PLCB1: variants seen among roughly 807,000 people sequenced by gnomAD.
PLCB1 encodes 1-phosphatidylinositol 4,5-bisphosphate phosphodiesterase beta-1.
Under a neutral mutation model 161.8 loss-of-function variants are expected in PLCB1, and 46 were observed. That is an observed-to-expected ratio of 0.28 (90% confidence interval 0.22 to 0.36). PLCB1 has a LOEUF of 0.36. Among genes scored for constraint, PLCB1 ranks in the 10% least tolerant of loss-of-function variants. The probability of loss-of-function intolerance (pLI) is 1.00; values close to 1 mark genes in which losing one functional copy is unlikely to be tolerated. For synonymous variants in PLCB1, 517 were observed against 503.7 expected (o/e 1.03, Z -0.35); for missense variants, 1,016 against 1,472.5 (o/e 0.69, Z 5.07).
At chr20:8,678,375 G>GT (rs540752997) in intron 9 of PLCB1, among the ~76,000 whole-genome samples, 2 of 152,228 alleles carry the variant, frequency 1.3e-5, no homozygotes, top group East Asian at 3.9e-4. Flanking sequence ...TTTCATGGTG[G>GT]TAAGTCAAAA....
intron 2 of PLCB1, 124 bp from the exon 3 acceptor site, chr20:8,371,258 A>G (rs1462682162): frequency 3.2e-6 from 2 of 615,868 alleles, no homozygotes; most frequent in Non-Finnish European, 5.8e-6. Flanking sequence ...GGAAAGAAAT[A>G]TCCCAACTGC....
intron 31 of PLCB1, among the ~76,000 whole-genome samples, chr20:8,807,842 TTAAATA>T (rs1371472593): frequency 1.3e-5 from 2 of 152,124 alleles, no homozygotes; most frequent in Non-Finnish European, 2.9e-5. Context: ...CTGTTTATAT[TTAAATA>T]TAAATATAAA....
chr20:8,339,743 C>G (rs1375781297), intron 2 of PLCB1, among the ~76,000 whole-genome samples: 1 of 151,818 alleles, frequency 6.6e-6, no homozygotes, highest in Admixed American at 6.5e-5. Flanking sequence ...TAACTTTGGG[C>G]CAGTTACTTA....
intron 31 of PLCB1, among the ~76,000 whole-genome samples, chr20:8,844,242 AT>A (rs760492279): frequency 3.3e-5 from 5 of 152,324 alleles, no homozygotes; most frequent in Non-Finnish European, 7.3e-5. Context: ...CGTTGGCACA[AT>A]TGCTAATGTG....
intron 16 of PLCB1, among the ~76,000 whole-genome samples, chr20:8,726,156 G>A (rs777013622): frequency 6.6e-6 from 1 of 152,010 alleles, no homozygotes; most frequent in Non-Finnish European, 1.5e-5. Context: ...AGATAACTCA[G>A]TTTAAAAAAA....
chr20:8,542,890 T>C (rs1461940368), intron 3 of PLCB1, among the ~76,000 whole-genome samples: 4 of 152,168 alleles, frequency 2.6e-5, no homozygotes, highest in Non-Finnish European at 4.4e-5. Flanking sequence ...TTTGTTTCCT[T>C]ATATTTAAAA....
intron 31 of PLCB1, among the ~76,000 whole-genome samples, chr20:8,851,788 G>C (rs1324024187): frequency 6.7e-6 from 1 of 149,830 alleles, no homozygotes; most frequent in East Asian, 1.9e-4. Context: ...AAAAGTAAGA[G>C]AATCTTTCTA....
chr20:8,609,546 A>G (rs182613075), intron 3 of PLCB1, among the ~76,000 whole-genome samples: 3 of 152,258 alleles, frequency 2.0e-5, no homozygotes, highest in Admixed American at 2.0e-4. Context: ...TTTCTCTTCA[A>G]TTTACCACCT....
chr20:8,143,192 A>G (rs1037848248), intron 1 of PLCB1, among the ~76,000 whole-genome samples: 3 of 152,066 alleles, frequency 2.0e-5, no homozygotes, highest in Admixed American at 6.5e-5. Flanking sequence ...CCTTCCCTCT[A>G]CTATGCAAGT....
At chr20:8,812,362 C>T (rs926475854) in intron 31 of PLCB1, among the ~76,000 whole-genome samples, 4 of 151,792 alleles carry the variant, frequency 2.6e-5, no homozygotes, top group Non-Finnish European at 4.4e-5. Context: ...AGAAGGGACA[C>T]GAAAGCTCTT....
At chr20:8,593,243 G>A (rs1188433157) in intron 3 of PLCB1, among the ~76,000 whole-genome samples, 1 of 152,082 alleles carries the variant, frequency 6.6e-6, no homozygotes. Context: ...CAAGATCATG[G>A]CTCACTGCAG....
intron 11 of PLCB1, among the ~76,000 whole-genome samples, chr20:8,706,723 A>G (rs999167533): frequency 2.0e-5 from 3 of 152,166 alleles, no homozygotes; most frequent in Non-Finnish European, 4.4e-5. Context: ...CTCTAGAGTC[A>G]GACAAATCTT....
intron 3 of PLCB1, among the ~76,000 whole-genome samples, chr20:8,426,397 T>C (rs1979775940): frequency 6.6e-6 from 1 of 152,238 alleles, no homozygotes; most frequent in African/African-American, 2.4e-5. Flanking sequence ...TTTTGCTTAT[T>C]GGTATGTTTG....
At chr20:8,770,957 T>C (rs566511576) in intron 26 of PLCB1, among the ~76,000 whole-genome samples, 1 of 152,282 alleles carries the variant, frequency 6.6e-6, no homozygotes, top group Non-Finnish European at 1.5e-5. Context: ...CCTGCAAACT[T>C]CCAGTAGAAT....
At chr20:8,382,550 CTTT>C (rs547236512) in intron 3 of PLCB1, among the ~76,000 whole-genome samples, 1 of 129,408 alleles carries the variant, frequency 7.7e-6, no homozygotes, top group African/African-American at 2.9e-5. Flanking sequence ...CTCAAAGTGT[CTTT>C]TTTTTTTTTT....
At chr20:8,364,419 T>C (rs1480126056) in intron 2 of PLCB1, among the ~76,000 whole-genome samples, 1 of 152,206 alleles carries the variant, frequency 6.6e-6, no homozygotes, top group Admixed American at 6.5e-5. Context: ...TTCCCCAATT[T>C]ATGCTATGAT....
intron 3 of PLCB1, among the ~76,000 whole-genome samples, chr20:8,411,947 C>G (rs1979062087): frequency 6.6e-6 from 1 of 151,924 alleles, no homozygotes; most frequent in Non-Finnish European, 1.5e-5. Context: ...CGCTTGAGCC[C>G]AGGAGGCAGA....
At chr20:8,475,011 AC>A (rs1390977713) in intron 3 of PLCB1, among the ~76,000 whole-genome samples, 24 of 55,254 alleles carry the variant, frequency 4.3e-4, no homozygotes, top group African/African-American at 1.7e-3. Flanking sequence ...ACACACACAG[AC>A]ACACACACAC....
At chr20:8,154,598 C>T (rs758319250) in intron 2 of PLCB1, among the ~76,000 whole-genome samples, 72 of 152,294 alleles carry the variant, frequency 4.7e-4, no homozygotes, top group Non-Finnish European at 3.2e-4. Context: ...TTAAGCCCAA[C>T]CAACAGTAAT....
Sources: allele counts gnomAD v4.1 joint callset (sites outside exome capture counted in the v4.1 genomes callset), GRCh38; gene constraint gnomAD v4.1.1; transcripts MANE v1.5; gene names NCBI Gene and HGNC (gene_info 2026-07-23, HGNC 2026-07-21).